Variants in MSH4 observed in about 807,000 individuals in gnomAD.
MSH4 encodes the protein mutS protein homolog 4.
MSH4 carries 106 observed loss-of-function variants against 113.7 expected under a neutral mutation model. That is an observed-to-expected ratio of 0.93 (90% CI 0.80 to 1.10). MSH4 has a LOEUF of 1.10. Ranked by LOEUF, MSH4 falls within the 50% of genes least tolerant of loss-of-function variation. The pLI is 0.00. For synonymous variants in MSH4, 368 were observed against 380.2 expected, an observed-to-expected ratio of 0.97 and a Z score of 0.37; for missense variants, 1,061 against 1,093.7, an observed-to-expected ratio of 0.97 and a Z score of 0.42.
In MSH4 at chr1:75,878,314, A is replaced by G; in HGVS notation, c.1536A>G (p.Ile512Met). ...CATACACAGAGATTGTAGATGACAT[A>G]GCAGGTAATTTCTTTATTTGATAAT... The part of the protein sequence containing the change: ...RRTYTEIVDD[I>M]AGMISQLGEK... Residue 512 changes from isoleucine to methionine, a missense_variant, in exon 11 of 20, where the codon ATA becomes ATG. Physicochemically the swap from Ile to Met is conservative, Grantham distance 10. Coordinates refer to ENST00000263187, the MANE Select transcript of MSH4 (RefSeq NM_002440.4). 1 of 1,583,038 alleles carries G rather than the reference A, an allele frequency of 6.3e-7. No individual in the cohort carries two copies. Among genetic ancestry groups the G allele is most frequent in the South Asian group, 1.2e-5 (1 of 85,078 alleles).
At chr1:75,899,959 A>G (rs1652472605) in intron 19 of MSH4, among the ~76,000 whole-genome samples, 1 of 151,836 alleles carries the variant, frequency 6.6e-6, no homozygotes. Flanking sequence ...TTTATAAAAT[A>G]ATTATTGCTA....
intron 8 of MSH4, among the ~76,000 whole-genome samples, chr1:75,867,261 G>C (rs1276078451): frequency 6.6e-6 from 1 of 152,152 alleles, no homozygotes; most frequent in African/African-American, 2.4e-5. Flanking sequence ...TTGAACCCAA[G>C]AGATTGAAAT....
chr1:75,838,130 T>A (rs577117334), intron 7 of MSH4, among the ~76,000 whole-genome samples: 20 of 152,338 alleles, frequency 1.3e-4, no homozygotes, highest in African/African-American at 4.6e-4. Context: ...GAAATCAGTT[T>A]CACTGGGCTA....
At chr1:75,830,833 A>C (rs891737765) in intron 7 of MSH4, among the ~76,000 whole-genome samples, 1 of 152,236 alleles carries the variant, frequency 6.6e-6, no homozygotes, top group Non-Finnish European at 1.5e-5. Context: ...CACTGCAAAA[A>C]CATGCCAAAT....
intron 4 of MSH4, among the ~76,000 whole-genome samples, chr1:75,811,249 T>C (rs1472835727): frequency 6.6e-6 from 1 of 152,212 alleles, no homozygotes; most frequent in Non-Finnish European, 1.5e-5. Flanking sequence ...TTATATTTAG[T>C]GTCCTAAAGT....
At chr1:75,907,400 T>A (rs192276100) in intron 19 of MSH4, among the ~76,000 whole-genome samples, 118 of 152,098 alleles carry the variant, frequency 7.8e-4, no homozygotes, top group African/African-American at 2.7e-3. Context: ...CTTTATATGT[T>A]ATTTGCTTCT....
At chr1:75,884,130 G>C (rs1046349238) in intron 15 of MSH4, among the ~76,000 whole-genome samples, 2 of 152,030 alleles carry the variant, frequency 1.3e-5, no homozygotes, top group African/African-American at 2.4e-5. Flanking sequence ...ATTATTTCTG[G>C]TTCAAAAACA....
chr1:75,894,613 T>G (rs1411982944), intron 17 of MSH4, among the ~76,000 whole-genome samples: 1 of 152,226 alleles, frequency 6.6e-6, no homozygotes, highest in Non-Finnish European at 1.5e-5. Flanking sequence ...ATGTGTAATG[T>G]TTCTGCCAAA....
At chr1:75,894,481 G>T (rs1652329755) in intron 17 of MSH4, among the ~76,000 whole-genome samples, 1 of 152,232 alleles carries the variant, frequency 6.6e-6, no homozygotes, top group African/African-American at 2.4e-5. Flanking sequence ...GTCGGCAGCA[G>T]AGACGAACAT....
chr1:75,810,526 A>G (rs775377004), intron 3 of MSH4, among the ~76,000 whole-genome samples, 171 bp from the exon 4 acceptor site: 1 of 148,412 alleles, frequency 6.7e-6, no homozygotes, highest in Non-Finnish European at 1.5e-5. Flanking sequence ...AAGTGCTGGG[A>G]TTACAGGTGT....
rs761865312 is a variant in MSH4, at chr1:75,879,123, A to G, written c.1672A>G (p.Ile558Val). The change falls in exon 12 of 20, where the codon ATT becomes GTT. Residue 558 changes from isoleucine (I) to valine (V), a missense_variant. Ile to Val is a conservative substitution (Grantham distance 29). Transcript: ENST00000263187. ...TAGTGATCAACTTCCTTCAGAATTT[A>G]TTAAGGTTCATTTTAGAGTGGTTAG... ...LPSDQLPSEF[I>V]KISKVKNSYS... 6.2e-7 allele frequency: 1 copy of G among 1,609,102 alleles called. No individual in the cohort carries two copies. The highest frequency in any genetic ancestry group is 8.5e-7 in the Non-Finnish European group (1 of 1,176,236).
chr1:75,890,614 G>A (rs1300177454), intron 16 of MSH4, 82 bp from the exon 17 acceptor site: 4 of 662,920 alleles, frequency 6.0e-6, no homozygotes, highest in Non-Finnish European at 9.8e-6. Flanking sequence ...CTTATAAAGA[G>A]ACTGGGTTTC....
chr1:75,809,164 T>C (rs530298709), intron 3 of MSH4, among the ~76,000 whole-genome samples: 8 of 152,238 alleles, frequency 5.3e-5, no homozygotes, highest in African/African-American at 1.9e-4. Flanking sequence ...AGAAGTTGAA[T>C]TGCCCCTCGG....
intron 14 of MSH4, among the ~76,000 whole-genome samples, chr1:75,882,287 AT>A (rs1651950702): frequency 6.6e-6 from 1 of 152,106 alleles, no homozygotes; most frequent in African/African-American, 2.4e-5. Flanking sequence ...GAAACTCCAT[AT>A]CTATAAATAA....
chr1:75,849,530 C>G (rs116732829), intron 8 of MSH4, among the ~76,000 whole-genome samples: 75 of 147,168 alleles, frequency 5.1e-4, no homozygotes, highest in Non-Finnish European at 9.2e-4. Flanking sequence ...AAAGAAAATA[C>G]TCTTAAGGTT....
Position 75,898,043 on chromosome 1 carries a change from A to T in MSH4, c.2492A>T (p.Tyr831Phe). ...AATAAAGAAGCAATTTTGTATACCTACAAACTTTCTAAGGGACTCACAGAA... is the reference window on the plus strand; with the variant it reads ...AATAAAGAAGCAATTTTGTATACCTTCAAACTTTCTAAGGGACTCACAGAA... ...SRNKEAILYTYKLSKGLTEEK... is the reference protein window; with the variant it reads ...SRNKEAILYTFKLSKGLTEEK... Residue 831 changes from tyrosine (Y) to phenylalanine (F), a missense_variant, in exon 18 of 20, where the codon TAC becomes TTC. Coordinates refer to ENST00000263187, the MANE Select transcript of MSH4 (RefSeq NM_002440.4). The T allele has an allele frequency of 6.3e-7, 1 of 1,598,738 alleles. No individual in the cohort carries two copies. The highest frequency in any genetic ancestry group is 8.5e-7 in the Non-Finnish European group (1 of 1,172,924).
rs5745549 is a variant in MSH4, at chr1:75,912,817, G to C, written c.2741G>C (p.Ser914Thr). Residue 914 changes from serine (S) to threonine (T), a missense_variant, in exon 20 of 20, where the codon AGT becomes ACT. Coordinates refer to ENST00000263187, the MANE Select transcript of MSH4 (RefSeq NM_002440.4). ...LDPDSLRIYL[S>T]NLKKKYKEDF... ...CCAGACAGTTTACGAATATATTTAA[G>C]TAACCTCAAGAAGAAGTACAAAGAA... 6.3e-7 allele frequency: 1 copy of C among 1,586,432 alleles called. No individual in the cohort carries two copies. Among genetic ancestry groups the C allele is most frequent in the African/African-American group, 1.4e-5 (1 of 73,072 alleles).
chr1:75,864,738 T>A (rs1651526161), intron 8 of MSH4, among the ~76,000 whole-genome samples: 1 of 152,250 alleles, frequency 6.6e-6, no homozygotes, highest in African/African-American at 2.4e-5. Flanking sequence ...TAAGCCCTTT[T>A]TTGGTTATGT....
chr1:75,884,604 T>C lies in MSH4; in HGVS notation c.2107+783T>C, dbSNP rs186700126. Among the ~76,000 whole-genome samples the C allele has an allele frequency of 4.8e-3, 726 of 152,012 alleles. 2 individuals carry two copies. Among genetic ancestry groups the C allele is most frequent in the South Asian group, 0.015 (72 of 4,808 alleles). The stretch of plus-strand genomic sequence containing the variant: ...CATCCTACAATGCACAGAACAGCTC[T>C]TCCTCTCCACGCTCCCCTGCTTTCC... On this transcript the variant is annotated intron_variant, in intron 15 of 19. Coordinates refer to ENST00000263187, the MANE Select transcript of MSH4 (RefSeq NM_002440.4).
Sources: gnomAD v4.1 joint callset for allele counts (sites outside exome capture counted in the v4.1 genomes callset) on GRCh38, gnomAD v4.1.1 for gene constraint, MANE v1.5 for transcripts, NCBI Gene and HGNC (gene_info 2026-07-23, HGNC 2026-07-21) for gene names.